Variants in GABRB1 observed in about 807,000 individuals in gnomAD.
GABRB1 encodes gamma-aminobutyric acid type A receptor subunit beta1, also known as gamma-aminobutyric acid receptor subunit beta-1.
A neutral mutation model predicts 51.6 loss-of-function variants in GABRB1; 17 were observed. That is an observed-to-expected ratio of 0.33 (90% confidence interval 0.23 to 0.49). The LOEUF is 0.49. Ranked by LOEUF, GABRB1 falls within the 20% of genes least tolerant of loss-of-function variation. GABRB1 has a pLI of 0.99. For missense variants in GABRB1, 410 were observed against 600.6 expected, an observed-to-expected ratio of 0.68 and a Z score of 3.32; for synonymous variants, 247 against 218.9, an observed-to-expected ratio of 1.13 and a Z score of -1.14.
intron 1 of GABRB1, among the ~76,000 whole-genome samples, chr4:47,014,449 T>G (rs1560496205): frequency 6.6e-6 from 1 of 152,182 alleles, no homozygotes; most frequent in Non-Finnish European, 1.5e-5. Context: ...CTTTTATGTT[T>G]TATAAAGCAA....
chr4:47,366,397 C>T (rs1376008950), intron 5 of GABRB1, among the ~76,000 whole-genome samples: 3 of 152,182 alleles, frequency 2.0e-5, no homozygotes, highest in Non-Finnish European at 4.4e-5. Context: ...GCATCTCTTC[C>T]TCCAGTTTTG....
At chr4:47,232,493 C>T (rs149138877) in intron 4 of GABRB1, among the ~76,000 whole-genome samples, 39 of 152,222 alleles carry the variant, frequency 2.6e-4, no homozygotes, top group Non-Finnish European at 4.4e-4. Flanking sequence ...TCCATGATCA[C>T]GCACTTTTGT....
chr4:47,043,192 A>C (rs536981585), intron 3 of GABRB1: 1 of 152,196 alleles, frequency 6.6e-6, no homozygotes, highest in Non-Finnish European at 1.5e-5. Flanking sequence ...GCCAACTGAA[A>C]ACTTCTGTCT....
intron 4 of GABRB1, among the ~76,000 whole-genome samples, chr4:47,256,853 C>G (rs539396317): frequency 1.6e-4 from 24 of 152,224 alleles, no homozygotes; most frequent in African/African-American, 5.5e-4. Flanking sequence ...TAGATTTGGA[C>G]GTGGACACAA....
chr4:47,199,632 G>A (rs1025152705), intron 4 of GABRB1, among the ~76,000 whole-genome samples: 1 of 152,248 alleles, frequency 6.6e-6, no homozygotes, highest in South Asian at 2.1e-4. Flanking sequence ...GGGCATAGAG[G>A]ATGGAGTTAG....
chr4:47,369,593 T>C (rs1727116017), intron 5 of GABRB1, among the ~76,000 whole-genome samples: 1 of 152,228 alleles, frequency 6.6e-6, no homozygotes, highest in Non-Finnish European at 1.5e-5. Flanking sequence ...TCCTTTTTTC[T>C]AATTCCAAAC....
intron 3 of GABRB1, among the ~76,000 whole-genome samples, chr4:47,037,528 G>GT (rs1399892030): frequency 9.9e-4 from 135 of 136,100 alleles, no homozygotes; most frequent in Middle Eastern, 3.6e-3. Flanking sequence ...ATATATATTC[G>GT]TTTTTTTTTG....
At chr4:47,048,312 T>C (rs1247424995) in intron 3 of GABRB1, among the ~76,000 whole-genome samples, 3 of 152,116 alleles carry the variant, frequency 2.0e-5, no homozygotes, top group Non-Finnish European at 2.9e-5. Context: ...CGGTGCACAA[T>C]ACTCAAACTT....
rs78724443 is a variant in GABRB1, at chr4:47,292,918, T to C, written c.462-27209T>C. Reference sequence around the variant, plus strand: ...TCAATTCATGAGGGTGGAGCACTCATGGCCAAGTCACCTCTTAATAGTCCA... The same window carrying C: ...TCAATTCATGAGGGTGGAGCACTCACGGCCAAGTCACCTCTTAATAGTCCA... On this transcript the variant is annotated intron_variant, in intron 4 of 8. Transcript: ENST00000295454. Among the ~76,000 whole-genome samples the C allele has an allele frequency of 7.4e-3, 1,127 of 152,352 alleles. 18 individuals carry two copies. The highest frequency in any genetic ancestry group is 0.025 in the African/African-American group (1,022 of 41,574).
At chr4:47,340,943 G>C (rs1457597111) in intron 5 of GABRB1, among the ~76,000 whole-genome samples, 1 of 152,130 alleles carries the variant, frequency 6.6e-6, no homozygotes, top group African/African-American at 2.4e-5. Flanking sequence ...CATAACCTGG[G>C]ATCTTATGCT....
intron 4 of GABRB1, among the ~76,000 whole-genome samples, chr4:47,285,364 C>A (rs1229776967): frequency 1.3e-5 from 2 of 152,132 alleles, no homozygotes; most frequent in African/African-American, 4.8e-5. Flanking sequence ...AGTTTTATTT[C>A]TTTTTAAACA....
rs113326509 is a variant in GABRB1, at chr4:47,092,835, G to C, written c.240+60351G>C. ...TCGCCATCTTGGCCAGGCTGCTCTTGAACTCCTGACCTCGTGATTCACCCG... is the reference window on the plus strand; with the variant it reads ...TCGCCATCTTGGCCAGGCTGCTCTTCAACTCCTGACCTCGTGATTCACCCG... On this transcript the variant is annotated intron_variant, in intron 3 of 8. Coordinates refer to ENST00000295454, the MANE Select transcript of GABRB1 (RefSeq NM_000812.4). 2.8e-4 allele frequency among the ~76,000 whole-genome samples: 43 copies of C among 152,128 alleles called. 1 individual carries two copies. The highest frequency in any genetic ancestry group is 1.0e-3 in the African/African-American group (42 of 41,506).
At chr4:47,160,290 G>A (rs1717880345) in intron 3 of GABRB1, among the ~76,000 whole-genome samples, 1 of 152,104 alleles carries the variant, frequency 6.6e-6, no homozygotes, top group Non-Finnish European at 1.5e-5. Flanking sequence ...AAATGAAACA[G>A]GAATGTGGTA....
At chr4:47,283,377 TTTTTTTTTTTTTTTTTTTTTTTTTTTG>T (rs1560313296) in intron 4 of GABRB1, among the ~76,000 whole-genome samples, 2 of 84,206 alleles carry the variant, frequency 2.4e-5, no homozygotes, top group African/African-American at 5.5e-5. Context: ...TTTTTTTTTT[TTTTTTTTTTTTTTTTTTTTTTTTTTTG>T]AGACAGAGTC....
intron 4 of GABRB1, among the ~76,000 whole-genome samples, chr4:47,240,016 T>C (rs1321435741): frequency 6.6e-6 from 1 of 152,214 alleles, no homozygotes; most frequent in Non-Finnish European, 1.5e-5. Flanking sequence ...AGCAGCTCAG[T>C]TTCCTTGGAT....
At chr4:47,020,650 A>G (rs994939690) in intron 1 of GABRB1, among the ~76,000 whole-genome samples, 21 of 152,110 alleles carry the variant, frequency 1.4e-4, no homozygotes, top group African/African-American at 3.1e-4. Flanking sequence ...TGTTAACTGT[A>G]GCTTCACAAT....
chr4:47,212,133 G>A (rs1158889169), intron 4 of GABRB1, among the ~76,000 whole-genome samples: 1 of 152,068 alleles, frequency 6.6e-6, no homozygotes, highest in African/African-American at 2.4e-5. Flanking sequence ...AAAGGTACCT[G>A]GCGTGAAATG....
At chr4:47,405,501 T>C (rs1469676630) in intron 7 of GABRB1, among the ~76,000 whole-genome samples, 1 of 152,206 alleles carries the variant, frequency 6.6e-6, no homozygotes, top group Non-Finnish European at 1.5e-5. Flanking sequence ...TTGCTTATTT[T>C]AAATGCTATT....
intron 4 of GABRB1, among the ~76,000 whole-genome samples, chr4:47,243,441 G>T (rs966337404): frequency 6.6e-6 from 1 of 152,162 alleles, no homozygotes. Flanking sequence ...TTGGTAGCTT[G>T]ATGGGAATGG....
Sources: allele counts gnomAD v4.1 joint callset (sites outside exome capture counted in the v4.1 genomes callset), GRCh38; gene constraint gnomAD v4.1.1; transcripts MANE v1.5; gene names NCBI Gene and HGNC (gene_info 2026-07-23, HGNC 2026-07-21).